Variants in RPS6KC1 observed in about 807,000 individuals in gnomAD.
RPS6KC1 encodes inactive ribosomal protein S6 kinase delta-1.
Under a neutral mutation model 103.8 loss-of-function variants are expected in RPS6KC1, and 54 were observed. That is an observed-to-expected ratio of 0.52 (90% CI 0.42 to 0.65). The LOEUF (loss-of-function observed/expected upper bound fraction) is 0.65, where lower values mean the gene tolerates loss of function less well. Among genes scored for constraint, RPS6KC1 ranks in the 30% least tolerant of loss-of-function variants. The pLI is 0.00. For synonymous variants in RPS6KC1, 439 were observed against 438.7 expected (o/e 1.00, Z -0.01); for missense variants, 1,151 against 1,253.8 (o/e 0.92, Z 1.24).
the RPS6KC1 span, among the ~76,000 whole-genome samples, chr1:213,475,282 A>C: frequency 1.3e-5 from 2 of 152,078 alleles, no homozygotes. Flanking sequence ...CAATTTTCCA[A>C]ATGTAGTCAT....
At chr1:213,235,452 A>AT (rs906356217) in intron 10 of RPS6KC1, among the ~76,000 whole-genome samples, 1 of 152,186 alleles carries the variant, frequency 6.6e-6, no homozygotes, top group African/African-American at 2.4e-5. Context: ...GGGGAAGGGA[A>AT]TGCCAAAGGG....
chr1:213,077,635 G>T (rs1223997250), intron 2 of RPS6KC1, 61 bp from the exon 3 acceptor site: 2 of 1,048,180 alleles, frequency 1.9e-6, no homozygotes, highest in East Asian at 5.4e-5. Context: ...AGGATTATTT[G>T]TTGTTCAGAT....
At chr1:213,474,709 C>T in the RPS6KC1 span, among the ~76,000 whole-genome samples, 1 of 152,144 alleles carries the variant, frequency 6.6e-6, no homozygotes, top group Non-Finnish European at 1.5e-5. Context: ...TTGTTCTGAA[C>T]AGGCTCTTAG....
the RPS6KC1 span, among the ~76,000 whole-genome samples, chr1:213,549,548 G>A: frequency 6.6e-6 from 1 of 151,498 alleles, no homozygotes; most frequent in African/African-American, 2.4e-5. Flanking sequence ...ATCAAAGTAG[G>A]GCAAGAAGGA....
At chr1:213,227,582 A>T (rs1417440635) in intron 8 of RPS6KC1, among the ~76,000 whole-genome samples, 1 of 152,146 alleles carries the variant, frequency 6.6e-6, no homozygotes, top group East Asian at 1.9e-4. Flanking sequence ...TGTTGGCTGA[A>T]TTCTGTTCTT....
At chr1:213,248,333 TC>T in intron 12 of RPS6KC1, among the ~76,000 whole-genome samples, 1 of 152,290 alleles carries the variant, frequency 6.6e-6, no homozygotes, top group Non-Finnish European at 1.5e-5. Context: ...AAGCAAAACT[TC>T]AGCAATAGCT....
chr1:213,819,600 A>G, the RPS6KC1 span: 1 of 152,242 alleles, frequency 6.6e-6, no homozygotes, highest in African/African-American at 2.4e-5. Flanking sequence ...ATTTCCTTAT[A>G]TGCAGAGGAA....
At chr1:213,696,936 G>T in the RPS6KC1 span, among the ~76,000 whole-genome samples, 3 of 151,518 alleles carry the variant, frequency 2.0e-5, no homozygotes, top group Non-Finnish European at 4.4e-5. Context: ...CCACAAGACT[G>T]CCCCCACTTC....
the RPS6KC1 span, among the ~76,000 whole-genome samples, chr1:213,862,385 G>T: frequency 6.6e-6 from 1 of 152,180 alleles, no homozygotes. Context: ...CAGAGGAAAA[G>T]CCGTAGGCCC....
the RPS6KC1 span, among the ~76,000 whole-genome samples, chr1:213,755,286 G>A: frequency 6.6e-6 from 1 of 152,188 alleles, no homozygotes; most frequent in African/African-American, 2.4e-5. Flanking sequence ...CCAACCTAAT[G>A]CAACTGAAGG....
At chr1:213,636,601 T>G in the RPS6KC1 span, among the ~76,000 whole-genome samples, 1 of 152,166 alleles carries the variant, frequency 6.6e-6, no homozygotes, top group East Asian at 1.9e-4. Context: ...TTACACCTTA[T>G]ACAAAAATTA....
At chr1:213,790,639 G>T in the RPS6KC1 span, among the ~76,000 whole-genome samples, 1 of 152,076 alleles carries the variant, frequency 6.6e-6, no homozygotes, top group Non-Finnish European at 1.5e-5. Flanking sequence ...GAGAGAAAAC[G>T]TTTTGCCGTA....
At chr1:213,601,608 T>C in the RPS6KC1 span, among the ~76,000 whole-genome samples, 1 of 151,978 alleles carries the variant, frequency 6.6e-6, no homozygotes, top group Non-Finnish European at 1.5e-5. Flanking sequence ...TTGGCTGGCC[T>C]GTTGGGTCAG....
At chr1:213,727,945 G>A in the RPS6KC1 span, among the ~76,000 whole-genome samples, 19 of 152,144 alleles carry the variant, frequency 1.2e-4, no homozygotes, top group Non-Finnish European at 2.8e-4. Flanking sequence ...GTATCTAAGA[G>A]GAACGCCTGA....
intron 4 of RPS6KC1, among the ~76,000 whole-genome samples, chr1:213,116,923 C>T (rs1018827594): frequency 6.6e-6 from 1 of 152,188 alleles, no homozygotes; most frequent in Admixed American, 6.5e-5. Context: ...GAGAGATCTG[C>T]TGTTAGTCTG....
the RPS6KC1 span, among the ~76,000 whole-genome samples, chr1:213,509,399 A>C: frequency 6.6e-6 from 1 of 152,214 alleles, no homozygotes; most frequent in East Asian, 1.9e-4. Flanking sequence ...CACTTTTATA[A>C]AATACTATAA....
the RPS6KC1 span, among the ~76,000 whole-genome samples, chr1:213,454,718 T>C: frequency 3.3e-5 from 5 of 152,252 alleles, no homozygotes; most frequent in African/African-American, 1.2e-4. Flanking sequence ...ACTTGCTTCC[T>C]AATCAGAACT....
At chr1:213,722,930 G>T in the RPS6KC1 span, among the ~76,000 whole-genome samples, 1 of 152,200 alleles carries the variant, frequency 6.6e-6, no homozygotes, top group Admixed American at 6.5e-5. Context: ...AGTAATCCCA[G>T]CACTTTGGGA....
chr1:213,300,653 C>G, the RPS6KC1 span, among the ~76,000 whole-genome samples: 4,404 of 152,240 alleles, frequency 0.029, 92 homozygotes, highest in Middle Eastern at 0.088. Context: ...GGGGCCAGGT[C>G]GTCTTGCTGG....
Sources: allele counts gnomAD v4.1 joint callset (sites outside exome capture counted in the v4.1 genomes callset), GRCh38; gene constraint gnomAD v4.1.1; transcripts MANE v1.5; gene names NCBI Gene and HGNC (gene_info 2026-07-23, HGNC 2026-07-21).